The following WDPCP variants were observed in gnomAD, a reference collection of about 807,000 sequenced individuals.
WDPCP encodes WD repeat containing planar cell polarity effector.
In WDPCP, 71 loss-of-function variants were observed where a neutral mutation model predicts 93.1. That is an observed-to-expected ratio of 0.76 (90% CI 0.63 to 0.93). The LOEUF is 0.93. Ranked by LOEUF, WDPCP falls within the 40% of genes least tolerant of loss-of-function variation. The pLI is 0.00. For synonymous variants in WDPCP, 315 were observed against 315.0 expected, an observed-to-expected ratio of 1.00 and a Z score of 0.00; for missense variants, 844 against 887.4, an observed-to-expected ratio of 0.95 and a Z score of 0.62.
chr2:63,204,050 CT>C (rs1369183990), intron 14 of WDPCP, among the ~76,000 whole-genome samples: 2 of 152,170 alleles, frequency 1.3e-5, no homozygotes, highest in Admixed American at 6.5e-5. Context: ...AATGTACCTT[CT>C]TTTGAGTAGA....
chr2:63,438,587 A>G (rs1020613252), intron 7 of WDPCP, among the ~76,000 whole-genome samples: 1 of 152,028 alleles, frequency 6.6e-6, no homozygotes, highest in Non-Finnish European at 1.5e-5. Flanking sequence ...TGAAAATGGA[A>G]CCTCTTCTAC....
chr2:63,625,570 C>A (rs1403010322), intron 3 of WDPCP, among the ~76,000 whole-genome samples: 1 of 152,154 alleles, frequency 6.6e-6, no homozygotes, highest in Non-Finnish European at 1.5e-5. Flanking sequence ...AGTGAACTCC[C>A]ATTCACAATT....
intron 1 of WDPCP, among the ~76,000 whole-genome samples, chr2:63,536,065 C>T (rs1005314373): frequency 6.6e-6 from 1 of 152,196 alleles, no homozygotes; most frequent in African/African-American, 2.4e-5. Flanking sequence ...TATTAACAGA[C>T]ACTTCTCAAA....
chr2:63,135,899 T>TA (rs966091615), intron 17 of WDPCP, among the ~76,000 whole-genome samples: 2 of 151,932 alleles, frequency 1.3e-5, no homozygotes, highest in Non-Finnish European at 2.9e-5. Flanking sequence ...TCTGGCTAAT[T>TA]AAAAAAAATT....
chr2:63,283,362 T>C (rs1177994157), intron 13 of WDPCP, among the ~76,000 whole-genome samples: 1 of 152,196 alleles, frequency 6.6e-6, no homozygotes, highest in Admixed American at 6.5e-5. Flanking sequence ...GCTTTTATAA[T>C]TTTACAAGTA....
In WDPCP at chr2:63,823,435, A is replaced by G. The variant is rs923803146; in HGVS notation, n.222+4187T>C. ...GCAGAACTGCTTGAACCTGGGAGGC[A>G]GGGGTTGTAGTCAGCTGAGATTGCA... On this transcript the variant is annotated intron_variant and non_coding_transcript_variant, in intron 1 of 4. Transcript: ENST00000467687. 3.6e-4 allele frequency among the ~76,000 whole-genome samples: 54 copies of G among 151,938 alleles called. 1 individual carries two copies. The highest frequency in any genetic ancestry group is 1.2e-3 in the African/African-American group (51 of 41,472).
intron 14 of WDPCP, among the ~76,000 whole-genome samples, chr2:63,235,748 T>C (rs758502178): frequency 2.0e-5 from 3 of 151,788 alleles, no homozygotes; most frequent in Admixed American, 6.6e-5. Context: ...AAAAAAACCA[T>C]ATGATCATTT....
At position 63,267,314 on chromosome 2, in the gene WDPCP, C is replaced by A. The variant is rs141608568; in HGVS notation, c.1813-7905G>T. Among the ~76,000 whole-genome samples, 113 of 152,108 alleles carry A rather than the reference C, an allele frequency of 7.4e-4. 1 individual carries two copies. In the East Asian group the frequency reaches 0.019, roughly 25 times the overall value. On this transcript the variant is annotated intron_variant, in intron 13 of 17. Coordinates refer to ENST00000272321, the MANE Select transcript of WDPCP (RefSeq NM_015910.7). ...CATGTGCAGAATAATAAAATTGGACCCTTACATCAAACCACATATAAAAAT... is the reference window on the plus strand; with the variant it reads ...CATGTGCAGAATAATAAAATTGGACACTTACATCAAACCACATATAAAAAT...
chr2:63,259,268 T>A (rs1180577114), intron 14 of WDPCP, 39 bp downstream of exon 14: 1 of 1,519,688 alleles, frequency 6.6e-7, no homozygotes, highest in Non-Finnish European at 9.1e-7. Context: ...TAACTATTGA[T>A]TAAAATAAAA....
intron 1 of WDPCP, among the ~76,000 whole-genome samples, chr2:63,820,830 C>T (rs1232983359): frequency 6.6e-6 from 1 of 151,938 alleles, no homozygotes; most frequent in Non-Finnish European, 1.5e-5. Flanking sequence ...CTAGGAATTA[C>T]ACAAACCTTA....
chr2:63,147,997 C>G (rs1671643009), intron 17 of WDPCP, among the ~76,000 whole-genome samples: 1 of 148,584 alleles, frequency 6.7e-6, no homozygotes, highest in Non-Finnish European at 1.5e-5. Context: ...AACTTACAGC[C>G]TAGTGAAGGA....
In WDPCP at chr2:63,480,710, T is replaced by C. The variant is rs551926424; in HGVS notation, c.384+3894A>G. On this transcript the variant is annotated intron_variant, in intron 6 of 17. Coordinates refer to ENST00000272321, the MANE Select transcript of WDPCP (RefSeq NM_015910.7). Reference sequence around the variant, plus strand: ...GTAGAAGAATGAAACTGGATTCTCATCTCTCACCTTATACAAAAATCAACT... The same window carrying C: ...GTAGAAGAATGAAACTGGATTCTCACCTCTCACCTTATACAAAAATCAACT... 3.9e-5 allele frequency among the ~76,000 whole-genome samples: 6 copies of C among 152,086 alleles called. No homozygotes were observed. In the East Asian group the frequency reaches 9.7e-4, roughly 24 times the overall value.
At chr2:63,198,348 T>C (rs1351329625) in intron 14 of WDPCP, among the ~76,000 whole-genome samples, 1 of 152,224 alleles carries the variant, frequency 6.6e-6, no homozygotes, top group African/African-American at 2.4e-5. Context: ...TGGGGCTAGG[T>C]TCTTTTTACT....
At chr2:63,808,713 C>T (rs1343802022) in intron 2 of WDPCP, among the ~76,000 whole-genome samples, 2 of 152,210 alleles carry the variant, frequency 1.3e-5, no homozygotes, top group African/African-American at 4.8e-5. Context: ...TCCCAGCCGC[C>T]TGCCTTGGCC....
chr2:63,215,467 C>G (rs1324643735), intron 14 of WDPCP, among the ~76,000 whole-genome samples: 1 of 152,158 alleles, frequency 6.6e-6, no homozygotes, highest in African/African-American at 2.4e-5. Flanking sequence ...GAAAGGATTC[C>G]CTATTTAATA....
chr2:63,575,463 A>ATACAGTGTATATACAGCG (rs1248571874), intron 1 of WDPCP, among the ~76,000 whole-genome samples: 1 of 29,152 alleles, frequency 3.4e-5, no homozygotes. Flanking sequence ...TATACAGTAT[A>ATACAGTGTATATACAGCG]TATGCAGTAT....
At chr2:63,750,873 A>G (rs758237929) in intron 2 of WDPCP, among the ~76,000 whole-genome samples, 12 of 152,050 alleles carry the variant, frequency 7.9e-5, no homozygotes, top group Non-Finnish European at 1.5e-4. Flanking sequence ...TGCTGCAATC[A>G]ATGCATTAAG....
At chr2:63,656,625 A>G (rs1443191743) in intron 2 of WDPCP, among the ~76,000 whole-genome samples, 2 of 152,234 alleles carry the variant, frequency 1.3e-5, no homozygotes, top group African/African-American at 4.8e-5. Flanking sequence ...TTAAAAGCCG[A>G]CTTGAGCAAC....
At chr2:63,567,322 C>T (rs1297533672) in intron 1 of WDPCP, among the ~76,000 whole-genome samples, 2 of 152,184 alleles carry the variant, frequency 1.3e-5, no homozygotes, top group South Asian at 4.1e-4. Flanking sequence ...CCCCCAGCCA[C>T]CAGTCATCTT....
Sources: gnomAD v4.1 joint callset for allele counts (sites outside exome capture counted in the v4.1 genomes callset) on GRCh38, gnomAD v4.1.1 for gene constraint, MANE v1.5 for transcripts, NCBI Gene and HGNC (gene_info 2026-07-23, HGNC 2026-07-21) for gene names.